LRP1: variants seen among roughly 807,000 people sequenced by gnomAD.
The protein encoded by LRP1 is prolow-density lipoprotein receptor-related protein 1.
A neutral mutation model predicts 541.5 loss-of-function variants in LRP1; 51 were observed. The observed-to-expected ratio is 0.09, with a 90% CI of 0.08 to 0.12. The LOEUF is 0.12. Among genes scored for constraint, LRP1 ranks in the 10% least tolerant of loss-of-function variants. LRP1 has a pLI of 1.00. For missense variants in LRP1, 3,878 were observed against 6,376.2 expected (o/e 0.61, Z 13.34); for synonymous variants, 2,219 against 2,470.8 (o/e 0.90, Z 3.02).
chr12:57,206,854 C>T lies in LRP1; in HGVS notation c.11859+113C>T. ...AGGCGCAGTGGCTCACGCCTATAAT[C>T]CCAGCACTTTGGGAGGCCAAGGCGG... On this transcript the variant is annotated intron_variant, in intron 76 of 88. Transcript: ENST00000243077. This position sits in a 1 kb window ranked among gnomAD's most constrained non-coding sequence, Gnocchi z 4.7. The T allele has an allele frequency of 6.3e-6, 8 of 1,270,624 alleles. No homozygotes were observed. The highest frequency in any genetic ancestry group is 2.1e-5 in the Admixed American group (1 of 47,168). The allele number at this position is 1,270,624 out of a possible 1,614,324, so 78.7% of individuals were successfully genotyped here. A position where few individuals can be genotyped will look rare whatever the true frequency, so the allele number is the denominator to read the frequency against.
In LRP1 at chr12:57,156,422, C is replaced by A; in HGVS notation, c.1417+139C>A. The A allele has an allele frequency of 1.1e-6, 1 of 924,874 alleles. No individual in the cohort carries two copies. The highest frequency in any genetic ancestry group is 1.6e-6 in the Non-Finnish European group (1 of 632,886). The allele number at this position is 924,874 out of a possible 1,614,324, so 57.3% of individuals were successfully genotyped here. On this transcript the variant is annotated intron_variant, in intron 9 of 88. Coordinates refer to ENST00000243077, the MANE Select transcript of LRP1 (RefSeq NM_002332.3). This position sits in a 1 kb window ranked among gnomAD's most constrained non-coding sequence, Gnocchi z 5.2. Reference sequence around the variant, plus strand: ...GTCATGACCGATTCTCCTAGCCAGCCACTCGGGCTACCTGCCCTGGCCCCT... The same window carrying A: ...GTCATGACCGATTCTCCTAGCCAGCAACTCGGGCTACCTGCCCTGGCCCCT...
At position 57,128,895 on chromosome 12, in the gene LRP1, C is replaced by T; in HGVS notation, c.-70C>T. ...AAGGAGGAAAAGGGGGACCCCCCAA[C>T]TGGGGGGGGTGAAGGAGAGAAGTAG... is the stretch of plus-strand genomic sequence containing the variant. On this transcript the variant is annotated 5_prime_UTR_variant, in exon 1 of 89. Coordinates refer to ENST00000243077, the MANE Select transcript of LRP1 (RefSeq NM_002332.3). 1.5e-6 allele frequency: 2 copies of T among 1,358,264 alleles called. No individual in the cohort carries two copies. Among genetic ancestry groups the T allele is most frequent in the Non-Finnish European group, 2.0e-6 (2 of 989,452 alleles). 84.1% of individuals were successfully genotyped at this position (1,358,264 alleles called of 1,614,324 possible).
At position 57,154,923 on chromosome 12, in the gene LRP1, G is replaced by A. The variant is rs556479415; in HGVS notation, c.1227+222G>A. Reference sequence around the variant, plus strand: ...CAGTCATTTTAGAAACACCACTTCTGTTTACTTCCTGTTTCTCATTTGACC... The same window carrying A: ...CAGTCATTTTAGAAACACCACTTCTATTTACTTCCTGTTTCTCATTTGACC... On this transcript the variant is annotated intron_variant, in intron 8 of 88. Coordinates refer to ENST00000243077, the MANE Select transcript of LRP1 (RefSeq NM_002332.3). This position sits in a 1 kb window ranked among gnomAD's most constrained non-coding sequence, Gnocchi z 4.6. 2.5e-5 allele frequency: 15 copies of A among 605,662 alleles called. No individual in the cohort carries two copies. The highest frequency in any genetic ancestry group is 2.2e-4 in the East Asian group (8 of 36,442). 37.5% of individuals were successfully genotyped at this position (605,662 alleles called of 1,614,324 possible).
At chr12:57,191,849 C>CA (rs2036395489) in intron 44 of LRP1, among the ~76,000 whole-genome samples, 1 of 8,100 alleles carries the variant, frequency 1.2e-4, no homozygotes, top group African/African-American at 5.4e-4. Flanking sequence ...CACACACACA[C>CA]CACACACCAC....
rs1205165264 is a variant in LRP1 at position 57,189,174 on chromosome 12, A to T, written c.7032-1631A>T. Among the ~76,000 whole-genome samples, 1 of 152,144 alleles carries T rather than the reference A, an allele frequency of 6.6e-6. No homozygotes were observed. Among genetic ancestry groups the T allele is most frequent in the Non-Finnish European group, 1.5e-5 (1 of 68,020 alleles). The stretch of plus-strand genomic sequence containing the variant: ...AAAGCCTCTCTCTCCCTCCTGCCCC[A>T]TTCCTGGGAAGCAGGTTCACCCAGA... On this transcript the variant is annotated intron_variant, in intron 42 of 88. Coordinates refer to ENST00000243077, the MANE Select transcript of LRP1 (RefSeq NM_002332.3). This position sits in a 1 kb window ranked among gnomAD's most constrained non-coding sequence, Gnocchi z 4.4.
Position 57,173,816 on chromosome 12 carries a change from A to T in LRP1, c.3383A>T (p.Asp1128Val). 1 of 1,614,188 alleles carries T rather than the reference A, an allele frequency of 6.2e-7. No homozygotes were observed. The highest frequency in any genetic ancestry group is 8.5e-7 in the Non-Finnish European group (1 of 1,180,030). ...CISKAWVCDG[D>V]NDCEDNSDEE... ...AGCAAAGCGTGGGTGTGTGATGGCG[A>T]CAATGACTGTGAGGATAACTCGGAC... The change falls in exon 22 of 89, where the codon GAC becomes GTC. Residue 1128 changes from aspartate to valine, a missense_variant. Asp to Val is a radical substitution (Grantham distance 152, BLOSUM62 -3). This residue lies in a region of LRP1 where 320 missense variants were observed against 547.9 expected (regional missense o/e 0.58). Coordinates refer to ENST00000243077, the MANE Select transcript of LRP1 (RefSeq NM_002332.3). The surrounding 1 kb of genome is among the most constrained non-coding windows in gnomAD (Gnocchi z 4.7).
At chr12:57,176,959 T>C in intron 24 of LRP1, 82 bp from the exon 25 acceptor site, 1 of 1,211,674 alleles carries the variant, frequency 8.3e-7, no homozygotes, top group Non-Finnish European at 1.2e-6. Context: ...TGAGGGTGGG[T>C]CATCGAGGGC....
chr12:57,190,679 CTA>C, intron 42 of LRP1, 124 bp from the exon 43 acceptor site: 1 of 755,126 alleles, frequency 1.3e-6, no homozygotes, highest in Non-Finnish European at 2.2e-6. Flanking sequence ...CTGCTGGCCT[CTA>C]TGGCTCTGGG....
At position 57,185,649 on chromosome 12, in the gene LRP1, C is replaced by T; in HGVS notation, c.6582C>T (p.Cys2194=). 1.9e-6 allele frequency: 3 copies of T among 1,612,970 alleles called. No individual in the cohort carries two copies. Among genetic ancestry groups the T allele is most frequent in the Non-Finnish European group, 1.7e-6 (2 of 1,179,938 alleles). ...TGCTGGCTGAAGACGGAGCATCGTG[C>T]CGCGAGTATGCCGGCTACCTGCTCT... is the stretch of plus-strand genomic sequence containing the variant. ...HGMLAEDGAS[C]REYAGYLLYS... Residue 2194 remains cysteine (C), a synonymous_variant, in exon 41 of 89, where the codon TGC becomes TGT. Coordinates refer to ENST00000243077, the MANE Select transcript of LRP1 (RefSeq NM_002332.3). This position sits in a 1 kb window ranked among gnomAD's most constrained non-coding sequence, Gnocchi z 4.9.
Position 57,210,181 on chromosome 12 carries a change from C to A in LRP1, c.12580+12C>A. 6.3e-7 allele frequency: 1 copy of A among 1,579,548 alleles called. No individual in the cohort carries two copies. Among genetic ancestry groups the A allele is most frequent in the South Asian group, 1.2e-5 (1 of 86,070 alleles). On this transcript the variant is annotated intron_variant, in intron 81 of 88. Coordinates refer to ENST00000243077, the MANE Select transcript of LRP1 (RefSeq NM_002332.3). ...GCCCCCCCCAGATGGTATGCTTATGCCCTCCCAGTCCCAGCCATGCCTCAG... is the reference window on the plus strand; with the variant it reads ...GCCCCCCCCAGATGGTATGCTTATGACCTCCCAGTCCCAGCCATGCCTCAG...
chr12:57,197,650 G>T lies in LRP1; in HGVS notation c.9268G>T (p.Gly3090Trp). The T allele has an allele frequency of 6.2e-7, 1 of 1,613,884 alleles. No homozygotes were observed. Among genetic ancestry groups the T allele is most frequent in the Non-Finnish European group, 8.5e-7 (1 of 1,179,984 alleles). ...GSMIRRMHLN[G>W]SNVQVLHRTG... ...CATGATCCGAAGGATGCACCTTAAC[G>T]GGAGCAATGTGCAGGTGAGGCGGGC... The change falls in exon 58 of 89, where the codon GGG (glycine) becomes TGG (tryptophan). Residue 3090 changes from glycine to tryptophan, a missense_variant. By Grantham distance (184) the Gly-to-Trp change is radical. Around this residue, in one of 13 missense-constraint regions of LRP1, gnomAD observed 1,100 missense variants for 1,827.4 expected, o/e 0.60. Coordinates refer to ENST00000243077, the MANE Select transcript of LRP1 (RefSeq NM_002332.3). This position sits in a 1 kb window ranked among gnomAD's most constrained non-coding sequence, Gnocchi z 4.5.
chr12:57,199,431 C>T (rs781571276), intron 61 of LRP1, 31 bp downstream of exon 61: 94 of 1,594,756 alleles, frequency 5.9e-5, no homozygotes, highest in East Asian at 1.1e-4. Flanking sequence ...AGCAGGCGAA[C>T]GGTGAGCCAG....
intron 6 of LRP1, chr12:57,146,696 C>A (rs1047583578): frequency 5.3e-5 from 8 of 152,316 alleles, no homozygotes; most frequent in East Asian, 3.9e-4. Context: ...CTGATAGCGT[C>A]CTTGGGCTGC....
In LRP1 at chr12:57,128,607, ACCCCCCCT is replaced by A; in HGVS notation, c.-353_-346del. The A allele has an allele frequency of 3.1e-6, 1 of 327,704 alleles. No homozygotes were observed. The highest frequency in any genetic ancestry group is 5.4e-6 in the Non-Finnish European group (1 of 186,758). The allele number at this position is 327,704 out of a possible 1,614,324, so 20.3% of individuals were successfully genotyped here. On this transcript the variant is annotated 5_prime_UTR_variant, in exon 1 of 89. Transcript: ENST00000243077. ...CTCCCCTACCCGGTCCACGCCCCCC[ACCCCCCCT>A]CCCCGCCTCCTCCCAATTGTGCATT...
intron 48 of LRP1, 35 bp downstream of exon 48, chr12:57,194,047 C>G: frequency 6.3e-7 from 1 of 1,577,250 alleles, no homozygotes; most frequent in African/African-American, 1.3e-5. Context: ...CTCCTGGGCT[C>G]CTCCCCATCG....
chr12:57,174,545 C>T (rs996246339), intron 22 of LRP1, among the ~76,000 whole-genome samples: 3 of 152,124 alleles, frequency 2.0e-5, no homozygotes, highest in South Asian at 2.1e-4. Flanking sequence ...GAGGCTGAGG[C>T]GGGCAGATCA....
rs536004028 is a variant in LRP1, at chr12:57,143,056, C to T, written c.329-623C>T. Reference sequence around the variant, plus strand: ...GGCAACTGCTCTCCCACCTCTCCCCCCTCCTGTCTCATTCCCTTCTGTCTC... The same window carrying T: ...GGCAACTGCTCTCCCACCTCTCCCCTCTCCTGTCTCATTCCCTTCTGTCTC... On this transcript the variant is annotated intron_variant, in intron 3 of 88. Coordinates refer to ENST00000243077, the MANE Select transcript of LRP1 (RefSeq NM_002332.3). Among the ~76,000 whole-genome samples, 7 of 152,260 alleles carry T rather than the reference C, an allele frequency of 4.6e-5. No individual in the cohort carries two copies. In the South Asian group the frequency reaches 6.2e-4, roughly 14 times the overall value.
chr12:57,146,667 T>C (rs2035413619), intron 6 of LRP1: 2 of 152,268 alleles, frequency 1.3e-5, no homozygotes, highest in East Asian at 3.9e-4. Flanking sequence ...TTTCTGCCTT[T>C]GGCTCCTCCA....
At chr12:57,181,451 A>G (rs1456730371) in intron 34 of LRP1, among the ~76,000 whole-genome samples, 160 bp downstream of exon 34, 2 of 149,000 alleles carry the variant, frequency 1.3e-5, no homozygotes, top group Admixed American at 1.3e-4. Flanking sequence ...CAGTGCCTCC[A>G]GTAGGATTTT....
Sources: allele counts gnomAD v4.1 joint callset (sites outside exome capture counted in the v4.1 genomes callset), GRCh38; gene constraint gnomAD v4.1.1; regional missense constraint gnomAD v4.1.1; non-coding constraint Gnocchi (gnomAD v3.1); transcripts MANE v1.5; gene names NCBI Gene and HGNC (gene_info 2026-07-23, HGNC 2026-07-21).